PARP8: variants seen among roughly 807,000 people sequenced by gnomAD.
PARP8 encodes the protein protein mono-ADP-ribosyltransferase PARP8.
In PARP8, 51 loss-of-function variants were observed where a neutral mutation model predicts 124.1. That is an observed-to-expected ratio of 0.41 (90% confidence interval 0.33 to 0.52). PARP8 has a LOEUF of 0.52. Among genes scored for constraint, PARP8 ranks in the 20% least tolerant of loss-of-function variants. The pLI is 0.21. For synonymous variants in PARP8, 391 were observed against 361.5 expected, an observed-to-expected ratio of 1.08 and a Z score of -0.93; for missense variants, 860 against 1,018.9, an observed-to-expected ratio of 0.84 and a Z score of 2.12.
chr5:50,830,068 A>C lies in PARP8; in HGVS notation c.2233+107A>C, dbSNP rs999802799. 5 of 1,240,456 alleles carry C rather than the reference A, an allele frequency of 4.0e-6. No homozygotes were observed. In the East Asian group the frequency reaches 1.5e-4, roughly 36 times the overall value. The allele number at this position is 1,240,456 out of a possible 1,614,324, so 76.8% of individuals were successfully genotyped here. On this transcript the variant is annotated intron_variant, in intron 22 of 25. Transcript: ENST00000281631. ...ATTGTGCCTTATTAGATATATTTTT[A>C]TTAAATTTGTTTGCTAAATGTCAAA...
intron 2 of PARP8, among the ~76,000 whole-genome samples, chr5:50,747,823 A>G (rs1580187968): frequency 2.5e-5 from 3 of 122,384 alleles, no homozygotes; most frequent in African/African-American, 9.2e-5. Context: ...CCCAGGCTAG[A>G]GTGCAGTGGC....
At position 50,720,633 on chromosome 5, in the gene PARP8, G is replaced by T. The variant is rs151315573; in HGVS notation, c.147-29518G>T. 4.9e-4 allele frequency among the ~76,000 whole-genome samples: 74 copies of T among 152,138 alleles called. 1 individual carries two copies. Among genetic ancestry groups the T allele is most frequent in the Non-Finnish European group, 8.5e-4 (58 of 67,964 alleles). On this transcript the variant is annotated intron_variant, in intron 2 of 25. Transcript: ENST00000281631. ...TATCATAATTCTTTAGAGCAGAGGA[G>T]CCTGGGATATATAGTCCTGATTCAG...
intron 18 of PARP8, among the ~76,000 whole-genome samples, chr5:50,826,266 G>A (rs1264897170): frequency 3.6e-4 from 54 of 151,704 alleles, no homozygotes; most frequent in Non-Finnish European, 4.4e-5. Context: ...CAGAGTCTAC[G>A]TATGTTGGAT....
intron 9 of PARP8, among the ~76,000 whole-genome samples, chr5:50,781,439 T>TG (rs1740659230): frequency 6.6e-6 from 1 of 152,188 alleles, no homozygotes; most frequent in Non-Finnish European, 1.5e-5. Context: ...GAAATTAGTG[T>TG]GATGTGTGAA....
At chr5:50,689,532 G>A (rs1198929254) in intron 2 of PARP8, among the ~76,000 whole-genome samples, 2 of 152,068 alleles carry the variant, frequency 1.3e-5, no homozygotes, top group Admixed American at 1.3e-4. Context: ...TTCCATTTGG[G>A]TCTTTTACTA....
chr5:50,729,055 A>G (rs868449633), intron 2 of PARP8, among the ~76,000 whole-genome samples: 2 of 152,138 alleles, frequency 1.3e-5, no homozygotes, highest in Non-Finnish European at 2.9e-5. Flanking sequence ...TATGGAACAC[A>G]TTAGTGTGCG....
chr5:50,731,824 G>C (rs906540201), intron 2 of PARP8, among the ~76,000 whole-genome samples: 1 of 152,018 alleles, frequency 6.6e-6, no homozygotes, highest in Admixed American at 6.6e-5. Flanking sequence ...TTCAAGCCAG[G>C]TTATTTTGTA....
At chr5:50,795,502 A>C in intron 12 of PARP8, 85 bp downstream of exon 12, 1 of 1,112,348 alleles carries the variant, frequency 9.0e-7, no homozygotes, top group Non-Finnish European at 1.2e-6. Context: ...CTGGTGGAGA[A>C]AAGAAGCAAA....
intron 2 of PARP8, among the ~76,000 whole-genome samples, chr5:50,708,174 T>G (rs1199841271): frequency 2.6e-5 from 4 of 152,094 alleles, no homozygotes. Context: ...TCCTAAATAG[T>G]CTAACACATC....
At chr5:50,685,677 G>A (rs987749003) in intron 2 of PARP8, among the ~76,000 whole-genome samples, 2 of 152,168 alleles carry the variant, frequency 1.3e-5, no homozygotes, top group Non-Finnish European at 2.9e-5. Context: ...TCATGCTGCT[G>A]ATAAAGACAT....
Position 50,786,361 on chromosome 5 carries a change from C to CT in PARP8, c.671-2152dup, listed in dbSNP as rs567461590. On this transcript the variant is annotated intron_variant, in intron 9 of 25. Transcript: ENST00000281631. ...AGTTGTTTACCTCCTCCTTGAAAATCTTTTTTTTTTCTTTTTTTTTTCAGA... is the reference window on the plus strand; with the variant it reads ...AGTTGTTTACCTCCTCCTTGAAAATCTTTTTTTTTTTCTTTTTTTTTTCAGA... Among the ~76,000 whole-genome samples the CT allele has an allele frequency of 5.1e-3, 741 of 146,152 alleles. 7 individuals are homozygous for CT. The highest frequency in any genetic ancestry group is 0.025 in the Middle Eastern group (7 of 284).
intron 18 of PARP8, among the ~76,000 whole-genome samples, 192 bp downstream of exon 18, chr5:50,825,167 T>C (rs770582278): frequency 3.3e-5 from 5 of 152,094 alleles, no homozygotes; most frequent in Non-Finnish European, 7.4e-5. Context: ...TTAAAACTTA[T>C]ACATCACAAG....
chr5:50,667,520 G>C (rs1749445536), intron 1 of PARP8: 1 of 700,176 alleles, frequency 1.4e-6, no homozygotes, highest in Non-Finnish European at 2.6e-6. Context: ...GGTTCCAGCA[G>C]CGGCGGCAGA....
intron 2 of PARP8, among the ~76,000 whole-genome samples, chr5:50,675,227 G>A (rs1296136134): frequency 1.3e-5 from 2 of 152,190 alleles, no homozygotes; most frequent in Non-Finnish European, 2.9e-5. Flanking sequence ...TGAACATTTT[G>A]AAATGTAGAT....
At chr5:50,711,160 C>G (rs1754735017) in intron 2 of PARP8, among the ~76,000 whole-genome samples, 1 of 152,082 alleles carries the variant, frequency 6.6e-6, no homozygotes, top group African/African-American at 2.4e-5. Context: ...GTTTTACCTC[C>G]TTAGAGCTTG....
intron 5 of PARP8, among the ~76,000 whole-genome samples, chr5:50,761,420 A>G (rs1031710843): frequency 6.6e-6 from 1 of 151,862 alleles, no homozygotes; most frequent in Admixed American, 6.6e-5. Context: ...TTTTCATACC[A>G]TTGTTTAGAG....
chr5:50,673,745 C>T (rs191046773), intron 2 of PARP8, among the ~76,000 whole-genome samples: 3 of 152,270 alleles, frequency 2.0e-5, no homozygotes, highest in African/African-American at 7.2e-5. Context: ...GTGCCTGAGC[C>T]CAGTGCTAAC....
Position 50,761,835 on chromosome 5 carries a change from T to C in PARP8, c.360T>C (p.Asn120=). The part of the protein sequence containing the change: ...QKENGEESRQ[N]STVEEDSEGD... ...ATTATTTTAAGGAATCAAGACAGAA[T>C]AGTACAGTGGAGGAAGATTCTGAAG... Residue 120 remains asparagine, a synonymous_variant, in exon 6 of 26, where the codon AAT becomes AAC. Transcript: ENST00000281631. 1.3e-6 allele frequency: 2 copies of C among 1,594,580 alleles called. No individual in the cohort carries two copies. The highest frequency in any genetic ancestry group is 8.6e-7 in the Non-Finnish European group (1 of 1,167,004).
At chr5:50,759,853 G>A in intron 4 of PARP8, 121 bp downstream of exon 4, 1 of 1,156,918 alleles carries the variant, frequency 8.6e-7, no homozygotes, top group Non-Finnish European at 1.1e-6. Flanking sequence ...TATAAATCCA[G>A]TCTCCATACA....
Sources: allele counts gnomAD v4.1 joint callset (sites outside exome capture counted in the v4.1 genomes callset), GRCh38; gene constraint gnomAD v4.1.1; transcripts MANE v1.5; gene names NCBI Gene and HGNC (gene_info 2026-07-23, HGNC 2026-07-21).